FHIP1A: variants seen among roughly 807,000 people sequenced by gnomAD.
FHIP1A encodes FHF complex subunit HOOK interacting protein 1A.
Under a neutral mutation model 88.6 loss-of-function variants are expected in FHIP1A, and 61 were observed. That is an observed-to-expected ratio of 0.69 (90% CI 0.56 to 0.85). The LOEUF is 0.85. FHIP1A is among the 40% of genes least tolerant of loss of function. FHIP1A has a pLI of 0.00. For synonymous variants in FHIP1A, 478 were observed against 496.0 expected (o/e 0.96, Z 0.48); for missense variants, 1,154 against 1,273.5 (o/e 0.91, Z 1.43).
At position 151,467,216 on chromosome 4, in the gene FHIP1A, A is replaced by G. The variant is rs563787026; in HGVS notation, c.-248+12408A>G. On this transcript the variant is annotated intron_variant, in intron 2 of 13. Transcript: ENST00000435205. ...AGACATTTATGTGGCCGAGAAGCAT[A>G]TGAAAAAAGCTCAACATCACTGATC... Among the ~76,000 whole-genome samples the G allele has an allele frequency of 1.9e-3, 289 of 152,374 alleles. 2 individuals carry two copies. Among genetic ancestry groups the G allele is most frequent in the African/African-American group, 6.6e-3 (275 of 41,590 alleles).
chr4:151,577,137 G>A (rs4696270), intron 4 of FHIP1A, among the ~76,000 whole-genome samples: 48,493 of 151,892 alleles, frequency 0.32, 7,772 homozygotes, highest in Non-Finnish European at 0.33. Flanking sequence ...ATTTTCCTCA[G>A]TTATGTTCAT....
rs187396815 is a variant in FHIP1A, at chr4:151,496,599, G to T, written c.-123+13951G>T. ...AGTCTCACTCTATCACTCAGGCTAG[G>T]GTGCAGTGGCACAATCTCAGCTCAC... On this transcript the variant is annotated intron_variant, in intron 3 of 13. Coordinates refer to ENST00000435205, the MANE Select transcript of FHIP1A (RefSeq NM_001109977.3). 4.0e-5 allele frequency among the ~76,000 whole-genome samples: 6 copies of T among 151,836 alleles called. No individual in the cohort carries two copies. In the East Asian group the frequency reaches 1.2e-3, roughly 29 times the overall value.
chr4:151,520,819 C>CT (rs1324493425), intron 3 of FHIP1A, among the ~76,000 whole-genome samples: 5 of 152,038 alleles, frequency 3.3e-5, no homozygotes, highest in Non-Finnish European at 7.4e-5. Context: ...ATACTAGTAA[C>CT]TAAAATTATT....
intron 2 of FHIP1A, among the ~76,000 whole-genome samples, chr4:151,475,098 T>C (rs1412139660): frequency 6.6e-6 from 1 of 152,254 alleles, no homozygotes; most frequent in Non-Finnish European, 1.5e-5. Context: ...TGATTTTAGT[T>C]ACTTAATTTC....
Position 151,656,394 on chromosome 4 carries a change from T to C in FHIP1A, c.2714T>C (p.Val905Ala), listed in dbSNP as rs1302783688. The C allele has an allele frequency of 7.7e-6, 12 of 1,551,744 alleles. No homozygotes were observed. The highest frequency in any genetic ancestry group is 9.6e-6 in the Non-Finnish European group (11 of 1,146,996). The change falls in exon 12 of 14, where the codon GTC becomes GCC. Residue 905 changes from valine to alanine, a missense_variant. Val to Ala is a moderately conservative substitution (Grantham distance 64). Transcript: ENST00000435205. This position sits in a 1 kb window ranked among gnomAD's most constrained non-coding sequence, Gnocchi z 4.2. ...LNTNMVFQPS[V>A]RSLYQVLASV... is the part of the protein sequence containing the mutation. ...ACCAACATGGTCTTCCAGCCAAGCG[T>C]CCGCTCTCTCTATCAGGTATGTTAG...
At chr4:151,647,367 T>A (rs1736838839) in intron 10 of FHIP1A, among the ~76,000 whole-genome samples, 1 of 152,238 alleles carries the variant, frequency 6.6e-6, no homozygotes, top group Admixed American at 6.5e-5. Context: ...GGAGCATCTG[T>A]ATATCTTTGA....
intron 3 of FHIP1A, among the ~76,000 whole-genome samples, chr4:151,519,278 A>AT (rs772614296): frequency 1.3e-5 from 2 of 151,932 alleles, no homozygotes; most frequent in Non-Finnish European, 2.9e-5. Context: ...CGCTATTACA[A>AT]TTTTTTCCAC....
At position 151,649,588 on chromosome 4, in the gene FHIP1A, G is replaced by A; in HGVS notation, c.1547G>A (p.Arg516Lys). The change falls in exon 11 of 14, where the codon AGG becomes AAG. Residue 516 changes from arginine to lysine, a missense_variant. By Grantham distance (26) the Arg-to-Lys change is conservative. Coordinates refer to ENST00000435205, the MANE Select transcript of FHIP1A (RefSeq NM_001109977.3). ...CACACCAACATCCTCCGCTGCATGAGGGACTGCCGTGTCTGGTCCGCCCTG... is the reference window on the plus strand; with the variant it reads ...CACACCAACATCCTCCGCTGCATGAAGGACTGCCGTGTCTGGTCCGCCCTG... ...EAHTNILRCM[R>K]DCRVWSALYD... The A allele has an allele frequency of 6.4e-7, 1 of 1,551,706 alleles. No homozygotes were observed. The highest frequency in any genetic ancestry group is 1.2e-5 in the South Asian group (1 of 84,058).
Position 151,495,451 on chromosome 4 carries a change from G to A in FHIP1A, c.-123+12803G>A, listed in dbSNP as rs533615467. Among the ~76,000 whole-genome samples, 5 of 150,872 alleles carry A rather than the reference G, an allele frequency of 3.3e-5. No homozygotes were observed. The East Asian group carries it at 6.0e-4, about 18-fold the overall frequency. On this transcript the variant is annotated intron_variant, in intron 3 of 13. Transcript: ENST00000435205. ...TGGGAGGCAGAGGTTGCAGTGAGCCGAGATTGTGCCACTGCACTCCAGCCT... is the reference window on the plus strand; with the variant it reads ...TGGGAGGCAGAGGTTGCAGTGAGCCAAGATTGTGCCACTGCACTCCAGCCT...
At chr4:151,626,819 C>T (rs1016879804) in intron 7 of FHIP1A, among the ~76,000 whole-genome samples, 4 of 152,152 alleles carry the variant, frequency 2.6e-5, no homozygotes, top group Non-Finnish European at 5.9e-5. Flanking sequence ...TGCTACTTTC[C>T]AGTCTTGCTA....
rs977363179 is a variant in FHIP1A at position 151,656,354 on chromosome 4, T to C, written c.2674T>C (p.Ser892Pro). 1 of 1,551,712 alleles carries C rather than the reference T, an allele frequency of 6.4e-7. No homozygotes were observed. Among genetic ancestry groups the C allele is most frequent in the Admixed American group, 2.0e-5 (1 of 51,004 alleles). Residue 892 changes from serine (S) to proline (P), a missense_variant, in exon 12 of 14, where the codon TCC becomes CCC. Physicochemically the swap from Ser to Pro is moderately conservative, Grantham distance 74 (BLOSUM62 -1). Coordinates refer to ENST00000435205, the MANE Select transcript of FHIP1A (RefSeq NM_001109977.3). The surrounding 1 kb of genome is among the most constrained non-coding windows in gnomAD (Gnocchi z 4.2). The part of the protein sequence containing the change: ...LASYPQPLLR[S>P]FLLNTNMVFQ... Reference sequence around the variant, plus strand: ...CAGCTACCCCCAGCCACTCCTGCGCTCCTTTCTGCTCAACACCAACATGGT... The same window carrying C: ...CAGCTACCCCCAGCCACTCCTGCGCCCCTTTCTGCTCAACACCAACATGGT...
intron 11 of FHIP1A, among the ~76,000 whole-genome samples, chr4:151,655,408 C>T (rs893125605): frequency 6.6e-6 from 1 of 152,138 alleles, no homozygotes; most frequent in African/African-American, 2.4e-5. Flanking sequence ...TTCTTTTTGC[C>T]TATTTTTCTT....
At chr4:151,645,193 A>C (rs753148905) in intron 9 of FHIP1A, among the ~76,000 whole-genome samples, 124 of 152,308 alleles carry the variant, frequency 8.1e-4, no homozygotes, top group Non-Finnish European at 1.4e-3. Flanking sequence ...CAGCAGGTTC[A>C]AAATATATAT....
chr4:151,544,460 C>T (rs1443203561), intron 3 of FHIP1A, among the ~76,000 whole-genome samples: 1 of 152,098 alleles, frequency 6.6e-6, no homozygotes, highest in Non-Finnish European at 1.5e-5. Context: ...TTAACCTCAC[C>T]AAACAGTCCA....
chr4:151,530,660 C>T (rs1580674502), intron 3 of FHIP1A, among the ~76,000 whole-genome samples: 1 of 152,176 alleles, frequency 6.6e-6, no homozygotes, highest in Non-Finnish European at 1.5e-5. Context: ...ATTGTCAACT[C>T]CTTCTCTTTC....
intron 4 of FHIP1A, among the ~76,000 whole-genome samples, chr4:151,574,066 G>A (rs1445767005): frequency 1.3e-5 from 2 of 152,230 alleles, no homozygotes; most frequent in East Asian, 1.9e-4. Context: ...CAGGTCATGG[G>A]TGTGTCTGCC....
At position 151,445,326 on chromosome 4, in the gene FHIP1A, C is replaced by T. The variant is rs141782438; in HGVS notation, c.-355-9375C>T. ...CACTCTCTCAGCATATGAACATGTT[C>T]TTGTACATCAACCAGGAAGCTCTCT... is the stretch of plus-strand genomic sequence containing the variant. On this transcript the variant is annotated intron_variant, in intron 1 of 13. Coordinates refer to ENST00000435205, the MANE Select transcript of FHIP1A (RefSeq NM_001109977.3). 1.3e-3 allele frequency among the ~76,000 whole-genome samples: 195 copies of T among 152,108 alleles called. 1 individual carries two copies. The highest frequency in any genetic ancestry group is 4.6e-3 in the African/African-American group (192 of 41,492).
At chr4:151,409,712 G>C (rs1263138292) in intron 1 of FHIP1A, among the ~76,000 whole-genome samples, 2 of 152,102 alleles carry the variant, frequency 1.3e-5, no homozygotes, top group African/African-American at 4.8e-5. Context: ...CCGGGACGGG[G>C]CGTAACGCGG....
intron 3 of FHIP1A, among the ~76,000 whole-genome samples, chr4:151,552,894 C>T (rs985238472): frequency 4.6e-5 from 7 of 151,494 alleles, no homozygotes; most frequent in Middle Eastern, 3.4e-3. Flanking sequence ...CCATTTCTCC[C>T]GGGTGTGTGT....
Sources: gnomAD v4.1 joint callset for allele counts (sites outside exome capture counted in the v4.1 genomes callset) on GRCh38, gnomAD v4.1.1 for gene constraint, Gnocchi (gnomAD v3.1) non-coding constraint, MANE v1.5 for transcripts, NCBI Gene and HGNC (gene_info 2026-07-23, HGNC 2026-07-21) for gene names.